SGPL1: variants seen among roughly 807,000 people sequenced by gnomAD.
SGPL1 encodes SP-lyase 1.
Under a neutral mutation model 68.9 loss-of-function variants are expected in SGPL1, and 37 were observed. The ratio of observed to expected loss-of-function variants is 0.54; its 90% CI spans 0.41 to 0.71. The LOEUF is 0.71. Among genes scored for constraint, SGPL1 ranks in the 30% least tolerant of loss-of-function variants. The probability of loss-of-function intolerance (pLI) is 0.00; values close to 1 mark genes in which losing one functional copy is unlikely to be tolerated. For synonymous variants in SGPL1, 236 were observed against 248.5 expected (o/e 0.95, Z 0.47); for missense variants, 551 against 704.6 (o/e 0.78, Z 2.47).
chr10:70,823,563 G>GAAAAA (rs139852875), intron 2 of SGPL1, among the ~76,000 whole-genome samples: 1 of 83,456 alleles, frequency 1.2e-5, no homozygotes. Context: ...ACTTTATATT[G>GAAAAA]AAAAAAAAAA....
chr10:70,822,881 T>G (rs919355921), intron 2 of SGPL1, among the ~76,000 whole-genome samples: 1 of 151,174 alleles, frequency 6.6e-6, no homozygotes, highest in African/African-American at 2.4e-5. Context: ...AGAAACACAA[T>G]TGAACTTACA....
At position 70,876,569 on chromosome 10, in the gene SGPL1, G is replaced by A. The variant is rs115923151; in HGVS notation, c.1474G>A (p.Ala492Thr). The change falls in exon 14 of 15, where the codon GCC becomes ACC. Residue 492 changes from alanine to threonine, a missense_variant. Transcript: ENST00000373202. ...TCATTTCTGCATCACATTACTACAC[G>A]CCCGGAAACGAGTAGCTATACAATT... ...SIHFCITLLH[A>T]RKRVAIQFLK... 546 of 1,612,196 alleles carry A rather than the reference G, an allele frequency of 3.4e-4. 1 individual carries two copies. The African/African-American group carries it at 6.4e-3, about 19-fold the overall frequency.
intron 9 of SGPL1, 107 bp from the exon 10 acceptor site, chr10:70,870,941 T>C: frequency 3.7e-6 from 3 of 812,640 alleles, no homozygotes; most frequent in Non-Finnish European, 6.3e-6. Flanking sequence ...GAGGGGGTAC[T>C]GGTGGAACTG....
intron 5 of SGPL1, among the ~76,000 whole-genome samples, chr10:70,856,510 A>C (rs1217826919): frequency 6.6e-6 from 1 of 152,216 alleles, no homozygotes; most frequent in Non-Finnish European, 1.5e-5. Flanking sequence ...TGTATTCTCT[A>C]GCATCAGTAA....
At chr10:70,840,397 G>C (rs560241481) in intron 2 of SGPL1, among the ~76,000 whole-genome samples, 1 of 152,114 alleles carries the variant, frequency 6.6e-6, no homozygotes, top group South Asian at 2.1e-4. Context: ...CCCAGCCTGG[G>C]GTTTGTGCTG....
chr10:70,843,559 C>T (rs902199362), intron 2 of SGPL1, among the ~76,000 whole-genome samples: 2 of 152,142 alleles, frequency 1.3e-5, no homozygotes, highest in Non-Finnish European at 1.5e-5. Flanking sequence ...TTGTGATAAG[C>T]TCTGTATAGG....
chr10:70,860,232 G>A (rs988819139), intron 7 of SGPL1, among the ~76,000 whole-genome samples: 8 of 152,206 alleles, frequency 5.3e-5, no homozygotes, highest in South Asian at 2.1e-4. Flanking sequence ...CTCAGGTTAT[G>A]TAGGATAGAT....
chr10:70,849,359 A>T (rs950827026), intron 3 of SGPL1, among the ~76,000 whole-genome samples: 18 of 152,262 alleles, frequency 1.2e-4, no homozygotes, highest in African/African-American at 4.1e-4. Context: ...ATTGTTAATA[A>T]TGTAGAAAGT....
intron 7 of SGPL1, 49 bp from the exon 8 acceptor site, chr10:70,868,296 C>CCCGG: frequency 7.7e-7 from 1 of 1,303,684 alleles, no homozygotes. Flanking sequence ...CATGAAGAGC[C>CCCGG]GGGGCATTCC....
At chr10:70,823,889 T>C (rs1239862906) in intron 2 of SGPL1, among the ~76,000 whole-genome samples, 2 of 152,204 alleles carry the variant, frequency 1.3e-5, no homozygotes, top group Non-Finnish European at 2.9e-5. Context: ...AAAGTTATGA[T>C]TGGAATATTG....
At chr10:70,859,335 A>G in intron 6 of SGPL1, 36 bp from the exon 7 acceptor site, 1 of 1,368,730 alleles carries the variant, frequency 7.3e-7, no homozygotes, top group Non-Finnish European at 9.6e-7. Flanking sequence ...ATAGTGTAAT[A>G]GTTTTGATTT....
chr10:70,821,358 A>C (rs570218013), intron 2 of SGPL1, among the ~76,000 whole-genome samples: 1 of 152,274 alleles, frequency 6.6e-6, no homozygotes, highest in East Asian at 1.9e-4. Context: ...TTTAAGAAAA[A>C]GGTATTTTAT....
chr10:70,834,821 A>T (rs1845598864), intron 2 of SGPL1, among the ~76,000 whole-genome samples: 1 of 152,224 alleles, frequency 6.6e-6, no homozygotes, highest in Admixed American at 6.5e-5. Context: ...CTGGAAAACT[A>T]GGCAGTGGAA....
At chr10:70,877,064 C>T in intron 14 of SGPL1, 131 bp from the exon 15 acceptor site, 1 of 802,312 alleles carries the variant, frequency 1.2e-6, no homozygotes, top group African/African-American at 1.7e-5. Flanking sequence ...GATGGGATGC[C>T]TTAGGTGGAA....
chr10:70,843,666 T>A (rs1484968090), intron 2 of SGPL1, among the ~76,000 whole-genome samples: 2 of 152,152 alleles, frequency 1.3e-5, no homozygotes, highest in African/African-American at 4.8e-5. Flanking sequence ...AGGTTTTTTC[T>A]TGCTCGTACC....
In SGPL1 at chr10:70,869,872, C is replaced by T. The variant is rs763306712; in HGVS notation, c.785C>T (p.Thr262Met). The change falls in exon 9 of 15, where the codon ACG (threonine) becomes ATG (methionine). Residue 262 changes from threonine (T) to methionine (M), a missense_variant. By Grantham distance (81) the Thr-to-Met change is moderately conservative. Transcript: ENST00000373202. ...FGMKIVRVPL[T>M]KMMEVDVRAM... Reference sequence around the variant, plus strand: ...ATGAAGATTGTGCGGGTCCCATTGACGAAGATGATGGAGGTGGATGTGCGG... The same window carrying T: ...ATGAAGATTGTGCGGGTCCCATTGATGAAGATGATGGAGGTGGATGTGCGG... 29 of 1,613,874 alleles carry T rather than the reference C, an allele frequency of 1.8e-5. No homozygotes were observed. The highest frequency in any genetic ancestry group is 1.6e-4 in the Middle Eastern group (1 of 6,070).
chr10:70,816,802 C>T lies in SGPL1; in HGVS notation c.-43-9C>T. ...TCTAGAAGTAAACAAACCTGGTTCC[C>T]TTTTACAGAGTCTGAAAAAGGGGAG... On this transcript the variant is annotated splice_polypyrimidine_tract_variant and intron_variant, in intron 1 of 14. Transcript: ENST00000373202. The T allele has an allele frequency of 6.3e-7, 1 of 1,599,270 alleles. No individual in the cohort carries two copies. The highest frequency in any genetic ancestry group is 8.6e-7 in the Non-Finnish European group (1 of 1,166,552).
At position 70,877,215 on chromosome 10, in the gene SGPL1, C is replaced by T; in HGVS notation, c.1587C>T (p.Ala529=). 2 of 1,614,128 alleles carry T rather than the reference C, an allele frequency of 1.2e-6. No individual in the cohort carries two copies. The highest frequency in any genetic ancestry group is 1.7e-6 in the Non-Finnish European group (2 of 1,179,988). Residue 529 remains alanine, a synonymous_variant, in exon 15 of 15, where the codon GCC becomes GCT. Coordinates refer to ENST00000373202, the MANE Select transcript of SGPL1 (RefSeq NM_003901.4). ...TGTAGGGTGCCATCTATGGCATGGC[C>T]CAGACAACTGTTGACAGGAATATGG... ...TTGMGAIYGM[A]QTTVDRNMVA...
intron 2 of SGPL1, among the ~76,000 whole-genome samples, chr10:70,838,590 G>A (rs117120871): frequency 0.012 from 1,838 of 152,206 alleles, 28 homozygotes; most frequent in Middle Eastern, 0.031. Flanking sequence ...TGTGTAGAGT[G>A]GAAAATAACA....
Sources: gnomAD v4.1 joint callset for allele counts (sites outside exome capture counted in the v4.1 genomes callset) on GRCh38, gnomAD v4.1.1 for gene constraint, MANE v1.5 for transcripts, NCBI Gene and HGNC (gene_info 2026-07-23, HGNC 2026-07-21) for gene names.